ADGRF5: variants seen among roughly 807,000 people sequenced by gnomAD.
ADGRF5 encodes the protein adhesion G protein-coupled receptor F5.
A neutral mutation model predicts 132.3 loss-of-function variants in ADGRF5; 75 were observed. The observed-to-expected ratio is 0.57, with a 90% CI of 0.47 to 0.69. The LOEUF is 0.69. ADGRF5 is among the 30% of genes least tolerant of loss of function. The pLI, the probability that ADGRF5 is intolerant of heterozygous loss-of-function variation, is 0.00. For missense variants in ADGRF5, 1,516 were observed against 1,630.6 expected (o/e 0.93, Z 1.21); for synonymous variants, 629 against 597.6 (o/e 1.05, Z -0.77).
In ADGRF5 at chr6:46,862,994, C is replaced by A; in HGVS notation, c.2093G>T (p.Ser698Ile). The change falls in exon 15 of 21, where the codon AGT becomes ATT. Residue 698 changes from serine (S) to isoleucine (I), a missense_variant. Transcript: ENST00000283296. The stretch of plus-strand genomic sequence containing the variant: ...GTAAGTGATGGTCCCGCCAATGGGA[C>A]TCTCAGGGCTGCTGGGAACGTTTGA... ...RFSNVPSSPE[S>I]PIGGTITYKC... The A allele has an allele frequency of 6.2e-7, 1 of 1,613,714 alleles. No individual in the cohort carries two copies. The highest frequency in any genetic ancestry group is 8.5e-7 in the Non-Finnish European group (1 of 1,179,696).
intron 3 of ADGRF5, among the ~76,000 whole-genome samples, chr6:46,889,903 C>T (rs796375739): frequency 2.0e-5 from 3 of 151,808 alleles, no homozygotes; most frequent in African/African-American, 7.3e-5. Flanking sequence ...GCCTTACTTA[C>T]TCCATCTGGC....
At chr6:46,921,646 G>GTAGA (rs1776960817) in intron 1 of ADGRF5, 67 bp downstream of exon 1, 1 of 152,222 alleles carries the variant, frequency 6.6e-6, no homozygotes, top group Non-Finnish European at 1.5e-5. Context: ...AGTGACTTAG[G>GTAGA]AGCCCCTGAG....
intron 1 of ADGRF5, among the ~76,000 whole-genome samples, chr6:46,936,960 G>A (rs1177234878): frequency 1.3e-5 from 2 of 152,154 alleles, no homozygotes. Context: ...GATCTTGGCA[G>A]GTTCCTCTGA....
intron 3 of ADGRF5, among the ~76,000 whole-genome samples, chr6:46,889,575 T>C (rs1773432747): frequency 6.9e-6 from 1 of 144,734 alleles, no homozygotes; most frequent in Non-Finnish European, 1.5e-5. Context: ...TGTGTATATA[T>C]ATATATATAT....
chr6:46,950,931 A>C (rs541997384), intron 1 of ADGRF5, among the ~76,000 whole-genome samples: 1 of 152,190 alleles, frequency 6.6e-6, no homozygotes, highest in Non-Finnish European at 1.5e-5. Context: ...AGATACAATC[A>C]CTTGTTCAAG....
chr6:46,897,667 C>T (rs752579741), intron 3 of ADGRF5, among the ~76,000 whole-genome samples: 6 of 152,270 alleles, frequency 3.9e-5, no homozygotes, highest in African/African-American at 9.6e-5. Context: ...CTCCGCCTCC[C>T]GGGTTCAAGC....
At chr6:46,866,539 T>C (rs1770460965) in intron 13 of ADGRF5, among the ~76,000 whole-genome samples, 1 of 152,180 alleles carries the variant, frequency 6.6e-6, no homozygotes, top group South Asian at 2.1e-4. Flanking sequence ...CACTTGGTTG[T>C]TTCTCATACT....
Position 46,900,098 on chromosome 6 carries a change from T to C in ADGRF5, c.103-15A>G. ...TCATGAAGACTCTGAAAAGAACATT[T>C]GAGAAAGTTGTCAATTAACGTTAGA... is the stretch of plus-strand genomic sequence containing the variant. On this transcript the variant is annotated splice_polypyrimidine_tract_variant and intron_variant, in intron 2 of 20. Transcript: ENST00000283296. The C allele has an allele frequency of 2.5e-6, 4 of 1,603,584 alleles. No individual in the cohort carries two copies. Among genetic ancestry groups the C allele is most frequent in the Non-Finnish European group, 2.6e-6 (3 of 1,170,386 alleles).
chr6:46,913,298 GACC>G (rs1776129319), intron 1 of ADGRF5, among the ~76,000 whole-genome samples: 1 of 152,108 alleles, frequency 6.6e-6, no homozygotes, highest in African/African-American at 2.4e-5. Context: ...TGGAGTATGA[GACC>G]AGCCTTGCCT....
At chr6:46,906,853 C>T (rs1775430172) in intron 1 of ADGRF5, 67 bp from the exon 2 acceptor site, 4 of 769,524 alleles carry the variant, frequency 5.2e-6, no homozygotes, top group Admixed American at 4.0e-5. Flanking sequence ...AAAGAACTCG[C>T]AAGCCCTGTC....
At chr6:46,898,824 G>C (rs1485862264) in intron 3 of ADGRF5, among the ~76,000 whole-genome samples, 1 of 152,118 alleles carries the variant, frequency 6.6e-6, no homozygotes, top group African/African-American at 2.4e-5. Context: ...ATGTGATAGG[G>C]TAAAAAATTT....
intron 14 of ADGRF5, among the ~76,000 whole-genome samples, chr6:46,864,284 T>C (rs1770123044): frequency 6.6e-6 from 1 of 152,186 alleles, no homozygotes. Flanking sequence ...TATTATGTGA[T>C]GGCAAATTGA....
chr6:46,917,783 G>A (rs189637668), intron 1 of ADGRF5, among the ~76,000 whole-genome samples: 1 of 151,974 alleles, frequency 6.6e-6, no homozygotes. Context: ...TTTTCTCTTA[G>A]AAATACCTAA....
chr6:46,897,677 C>T (rs1464308057), intron 3 of ADGRF5, among the ~76,000 whole-genome samples: 2 of 152,156 alleles, frequency 1.3e-5, no homozygotes, highest in African/African-American at 4.8e-5. Flanking sequence ...CGGGTTCAAG[C>T]GATTCTCCTG....
rs139933176 is a variant in ADGRF5 at position 46,931,626 on chromosome 6, GC to G, written c.-25+23107del. On this transcript the variant is annotated intron_variant, in intron 1 of 20. Transcript: ENST00000265417. ...CTTAAGTTGGTGTGCCTAAGGCTTGGCCCAGGGGCCCACTGTCCTCTTTCAC... is the reference window on the plus strand; with the variant it reads ...CTTAAGTTGGTGTGCCTAAGGCTTGGCCAGGGGCCCACTGTCCTCTTTCAC... 1.8e-4 allele frequency among the ~76,000 whole-genome samples: 27 copies of G among 152,326 alleles called. No individual in the cohort carries two copies. The East Asian group carries it at 4.8e-3, about 27-fold the overall frequency.
chr6:46,910,513 G>A (rs552422626), intron 1 of ADGRF5, among the ~76,000 whole-genome samples: 20 of 152,204 alleles, frequency 1.3e-4, no homozygotes, highest in Admixed American at 3.9e-4. Context: ...CCCTCTCAAG[G>A]AGCCTCTGAT....
intron 11 of ADGRF5, 54 bp downstream of exon 11, chr6:46,871,789 A>C: frequency 1.6e-6 from 2 of 1,235,868 alleles, no homozygotes; most frequent in East Asian, 2.4e-5. Flanking sequence ...CACTGGCAGC[A>C]CTTATTTAAG....
Position 46,866,970 on chromosome 6 carries a change from C to T in ADGRF5, c.1789G>A (p.Asp597Asn). 6.2e-7 allele frequency: 1 copy of T among 1,613,562 alleles called. No homozygotes were observed. The highest frequency in any genetic ancestry group is 8.5e-7 in the Non-Finnish European group (1 of 1,179,488). ...CCCGTATGGAAAGTAACTTTGTAGT[C>T]TCCATCCTCCTCTATGCAGCACTTG... is the stretch of plus-strand genomic sequence containing the variant. Reference protein sequence around the residue: ...HIKCCIEEDGDYKVTFHTGSS... With the variant: ...HIKCCIEEDGNYKVTFHTGSS... Residue 597 changes from aspartate (D) to asparagine (N), a missense_variant, in exon 13 of 21, where the codon GAC becomes AAC. Around this residue, in one of 2 missense-constraint regions of ADGRF5, gnomAD observed 945 missense variants for 929.4 expected, o/e 1.02. Coordinates refer to ENST00000283296, the MANE Select transcript of ADGRF5 (RefSeq NM_001098518.2).
intron 2 of ADGRF5, among the ~76,000 whole-genome samples, chr6:46,901,004 C>T (rs220700): frequency 0.36 from 55,226 of 151,790 alleles, 12,292 homozygotes; most frequent in Non-Finnish European, 0.48. Context: ...AACTTTGATG[C>T]GAGGACAAAA....
Sources: allele counts gnomAD v4.1 joint callset (sites outside exome capture counted in the v4.1 genomes callset), GRCh38; gene constraint gnomAD v4.1.1; regional missense constraint gnomAD v4.1.1; transcripts MANE v1.5; gene names NCBI Gene and HGNC (gene_info 2026-07-23, HGNC 2026-07-21).